Variants in PTPN13 observed in about 807,000 individuals in gnomAD.
PTPN13 encodes the protein tyrosine-protein phosphatase non-receptor type 13.
A neutral mutation model predicts 284.0 loss-of-function variants in PTPN13; 191 were observed. The ratio of observed to expected loss-of-function variants is 0.67; its 90% CI spans 0.60 to 0.76. PTPN13 has a LOEUF of 0.76. Among genes scored for constraint, PTPN13 ranks in the 30% least tolerant of loss-of-function variants. The pLI is 0.00. For synonymous variants in PTPN13, 986 were observed against 1,022.3 expected (o/e 0.96, Z 0.68); for missense variants, 2,797 against 2,939.9 (o/e 0.95, Z 1.12).
In PTPN13 at chr4:86,751,156, C is replaced by G. The variant is rs1378375640; in HGVS notation, c.3166+32C>G. On this transcript the variant is annotated intron_variant, in intron 19 of 47. Coordinates refer to ENST00000411767, the MANE Select transcript of PTPN13 (RefSeq NM_080683.3). ...AAAAACAAGCTTACCTTCTTTGTCC[C>G]ATACCTCATGCTCAGAGGGAAGTGA... 2.1e-6 allele frequency: 3 copies of G among 1,424,902 alleles called. No homozygotes were observed. In the African/African-American group the frequency reaches 4.2e-5, roughly 20 times the overall value. The allele number at this position is 1,424,902 out of a possible 1,614,324, so 88.3% of individuals were successfully genotyped here. A position where few individuals can be genotyped will look rare whatever the true frequency, so the allele number is the denominator to read the frequency against.
At chr4:86,681,688 G>A (rs1295379980) in intron 3 of PTPN13, among the ~76,000 whole-genome samples, 1 of 152,140 alleles carries the variant, frequency 6.6e-6, no homozygotes, top group Non-Finnish European at 1.5e-5. Context: ...AGCACTTTGG[G>A]AGACCAAGGC....
intron 17 of PTPN13, among the ~76,000 whole-genome samples, chr4:86,746,006 G>A (rs919748709): frequency 6.6e-6 from 1 of 152,126 alleles, no homozygotes; most frequent in African/African-American, 2.4e-5. Context: ...ACCCAGAACA[G>A]GACAGTGAAG....
chr4:86,652,549 G>GT (rs1725219474), intron 2 of PTPN13, among the ~76,000 whole-genome samples: 1 of 152,162 alleles, frequency 6.6e-6, no homozygotes, highest in South Asian at 2.1e-4. Flanking sequence ...GGTTGGAACA[G>GT]TTTTTTCCTT....
intron 28 of PTPN13, among the ~76,000 whole-genome samples, chr4:86,769,312 T>TG (rs1312320590): frequency 6.6e-6 from 1 of 152,114 alleles, no homozygotes; most frequent in African/African-American, 2.4e-5. Context: ...CCCCTTTTTT[T>TG]GTCTGTTATC....
chr4:86,669,141 G>A (rs913433988), intron 2 of PTPN13, among the ~76,000 whole-genome samples: 1 of 151,330 alleles, frequency 6.6e-6, no homozygotes, highest in African/African-American at 2.4e-5. Context: ...ATTCTTTATT[G>A]TAGTTGAAGT....
At chr4:86,809,190 G>A (rs1431222242) in intron 45 of PTPN13, among the ~76,000 whole-genome samples, 3 of 152,144 alleles carry the variant, frequency 2.0e-5, no homozygotes, top group Non-Finnish European at 4.4e-5. Flanking sequence ...AGGTGCATTT[G>A]GAATGGGGTC....
At chr4:86,708,933 TCTCC>T (rs993295919) in intron 7 of PTPN13, among the ~76,000 whole-genome samples, 2 of 151,738 alleles carry the variant, frequency 1.3e-5, no homozygotes, top group African/African-American at 4.8e-5. Context: ...TTTCTCCCTG[TCTCC>T]CTCCCTCCCT....
At chr4:86,608,202 AT>A (rs1046267488) in intron 1 of PTPN13, among the ~76,000 whole-genome samples, 79 of 152,240 alleles carry the variant, frequency 5.2e-4, no homozygotes, top group African/African-American at 1.9e-3. Flanking sequence ...AGTGAGGGAC[AT>A]TATAAAGATT....
intron 1 of PTPN13, among the ~76,000 whole-genome samples, chr4:86,631,685 T>C (rs2148707329): frequency 6.6e-6 from 1 of 152,202 alleles, no homozygotes; most frequent in South Asian, 2.1e-4. Flanking sequence ...AAAGTTTAAA[T>C]AAAAATTAAC....
chr4:86,775,049 T>A (rs1242360645), intron 33 of PTPN13, 122 bp from the exon 34 acceptor site: 1 of 651,216 alleles, frequency 1.5e-6, no homozygotes, highest in African/African-American at 1.9e-5. Flanking sequence ...GAGATCACTG[T>A]TGTGAATCTC....
At chr4:86,747,963 C>A (rs1302401240) in intron 17 of PTPN13, among the ~76,000 whole-genome samples, 1 of 152,152 alleles carries the variant, frequency 6.6e-6, no homozygotes, top group Non-Finnish European at 1.5e-5. Flanking sequence ...AAAACAGGTT[C>A]AGAGAAGATA....
chr4:86,634,457 C>T (rs1722793609), intron 1 of PTPN13, among the ~76,000 whole-genome samples: 1 of 152,160 alleles, frequency 6.6e-6, no homozygotes, highest in Non-Finnish European at 1.5e-5. Context: ...CATCACTTAA[C>T]TGAACGCCAT....
intron 3 of PTPN13, among the ~76,000 whole-genome samples, chr4:86,677,318 C>CT (rs1175955514): frequency 0.013 from 1,751 of 138,566 alleles, 11 homozygotes; most frequent in Non-Finnish European, 0.017. Flanking sequence ...TAAATTTAGT[C>CT]TTTTTTTTTT....
intron 7 of PTPN13, among the ~76,000 whole-genome samples, chr4:86,708,525 A>T (rs1732014677): frequency 6.6e-6 from 1 of 152,162 alleles, no homozygotes; most frequent in Admixed American, 6.6e-5. Context: ...TTTATTGGAA[A>T]TGAGAGACCT....
chr4:86,686,241 A>C (rs1373577802), intron 3 of PTPN13, among the ~76,000 whole-genome samples: 3 of 152,140 alleles, frequency 2.0e-5, no homozygotes, highest in African/African-American at 4.8e-5. Context: ...AGGCACCTCT[A>C]ACCCCAGCTA....
At chr4:86,810,213 C>T (rs934636469) in intron 46 of PTPN13, among the ~76,000 whole-genome samples, 3 of 152,076 alleles carry the variant, frequency 2.0e-5, no homozygotes, top group Admixed American at 6.5e-5. Flanking sequence ...ACTTGTTTTA[C>T]TGGGTGTTTT....
intron 1 of PTPN13, among the ~76,000 whole-genome samples, chr4:86,606,639 T>C (rs1764769033): frequency 6.6e-6 from 1 of 151,892 alleles, no homozygotes; most frequent in Non-Finnish European, 1.5e-5. Flanking sequence ...AGATAAATGT[T>C]TTATTTGGCG....
At chr4:86,663,853 C>T (rs892573690) in intron 2 of PTPN13, among the ~76,000 whole-genome samples, 23 of 152,054 alleles carry the variant, frequency 1.5e-4, no homozygotes, top group African/African-American at 5.6e-4. Flanking sequence ...TGTAAAATGC[C>T]TTACTTACAG....
In PTPN13 at chr4:86,716,630, G is replaced by A. The variant is rs1335657845; in HGVS notation, c.1291+5G>A. 2 of 1,542,972 alleles carry A rather than the reference G, an allele frequency of 1.3e-6. No homozygotes were observed. The highest frequency in any genetic ancestry group is 1.8e-6 in the Non-Finnish European group (2 of 1,134,546). On this transcript the variant is annotated splice_donor_5th_base_variant and intron_variant, in intron 8 of 47. Coordinates refer to ENST00000411767, the MANE Select transcript of PTPN13 (RefSeq NM_080683.3). ...CTGAATCAGATTTCAGACAAGGTAGGAGGCATCTGAAACAAGCAAACTGTT... is the reference window on the plus strand; with the variant it reads ...CTGAATCAGATTTCAGACAAGGTAGAAGGCATCTGAAACAAGCAAACTGTT...
Sources: allele counts gnomAD v4.1 joint callset (sites outside exome capture counted in the v4.1 genomes callset), GRCh38; gene constraint gnomAD v4.1.1; transcripts MANE v1.5; gene names NCBI Gene and HGNC (gene_info 2026-07-23, HGNC 2026-07-21).